MAP2K6: variants seen among roughly 807,000 people sequenced by gnomAD.
The protein encoded by MAP2K6 is mitogen-activated protein kinase kinase 6.
Under a neutral mutation model 53.7 loss-of-function variants are expected in MAP2K6, and 16 were observed. That is an observed-to-expected ratio of 0.30 (90% CI 0.20 to 0.45). The LOEUF (loss-of-function observed/expected upper bound fraction) is 0.45, where lower values mean the gene tolerates loss of function less well. Ranked by LOEUF, MAP2K6 falls within the 20% of genes least tolerant of loss-of-function variation. The pLI is 1.00. For synonymous variants in MAP2K6, 132 were observed against 143.1 expected (o/e 0.92, Z 0.55); for missense variants, 204 against 411.9 (o/e 0.50, Z 4.37).
chr17:69,449,298 A>C (rs1252431812), intron 1 of MAP2K6, among the ~76,000 whole-genome samples: 2 of 151,898 alleles, frequency 1.3e-5, no homozygotes, highest in African/African-American at 2.4e-5. Context: ...TATATAGTAC[A>C]TAAACTATAC....
intron 1 of MAP2K6, among the ~76,000 whole-genome samples, chr17:69,431,420 T>C (rs1391223356): frequency 6.6e-6 from 1 of 152,052 alleles, no homozygotes; most frequent in African/African-American, 2.4e-5. Flanking sequence ...ACTCACTTGA[T>C]GTAATAGGTT....
chr17:69,501,419 G>T (rs1252837849), intron 1 of MAP2K6, among the ~76,000 whole-genome samples: 3 of 152,156 alleles, frequency 2.0e-5, no homozygotes, highest in Non-Finnish European at 2.9e-5. Context: ...AAGACCTCTC[G>T]TGTACCCCAT....
chr17:69,536,864 T>C (rs760110318), intron 11 of MAP2K6, among the ~76,000 whole-genome samples: 31 of 151,854 alleles, frequency 2.0e-4, no homozygotes, highest in Non-Finnish European at 3.5e-4. Context: ...GCAGATTGCT[T>C]GAGCCCAGGA....
intron 1 of MAP2K6, among the ~76,000 whole-genome samples, chr17:69,463,102 A>T (rs190552267): frequency 2.0e-5 from 3 of 151,936 alleles, no homozygotes; most frequent in Admixed American, 6.6e-5. Context: ...TGCACCAGCC[A>T]CCGGGACACC....
In MAP2K6 at chr17:69,539,056, GA is replaced by G. The variant is rs574993748; in HGVS notation, c.928-2616del. Among the ~76,000 whole-genome samples the G allele has an allele frequency of 1.2e-4, 18 of 152,302 alleles. 1 individual carries two copies. In the South Asian group the frequency reaches 3.5e-3, roughly 30 times the overall value. On this transcript the variant is annotated intron_variant, in intron 11 of 11. Coordinates refer to ENST00000590474, the MANE Select transcript of MAP2K6 (RefSeq NM_002758.4). ...TCCCTGTCCTAGATGATAATCACCAGAAAAGATAACCAGTTCATTCAAGTGA... is the reference window on the plus strand; with the variant it reads ...TCCCTGTCCTAGATGATAATCACCAGAAAGATAACCAGTTCATTCAAGTGA...
In MAP2K6 at chr17:69,547,838, TAGG is replaced by T. The variant is rs1354384036; in HGVS notation, c.*6086_*6088del. 1.3e-5 allele frequency: 2 copies of T among 152,226 alleles called. No homozygotes were observed. 9.4% of individuals were successfully genotyped at this position (152,226 alleles called of 1,614,324 possible). ...TTAGTTGTTAACTGTATCCTTGGCT[TAGG>T]TTATTTGCATTTTCTTTCTTTCTTT... On this transcript the variant is annotated 3_prime_UTR_variant, in exon 12 of 12. Coordinates refer to ENST00000590474, the MANE Select transcript of MAP2K6 (RefSeq NM_002758.4).
chr17:69,516,788 G>C, intron 2 of MAP2K6, 67 bp from the exon 3 acceptor site: 1 of 1,178,422 alleles, frequency 8.5e-7, no homozygotes, highest in Non-Finnish European at 1.2e-6. Context: ...TCAGTGGTGT[G>C]TGATTTGGGA....
rs1598331905 is a variant in MAP2K6, at chr17:69,553,812, G to A, written c.*12059G>A. The A allele has an allele frequency of 6.6e-6, 1 of 152,244 alleles. No individual in the cohort carries two copies. Among genetic ancestry groups the A allele is most frequent in the South Asian group, 2.1e-4 (1 of 4,830 alleles). The allele number at this position is 152,244 out of a possible 1,614,324, so 9.4% of individuals were successfully genotyped here. On this transcript the variant is annotated 3_prime_UTR_variant, in exon 12 of 12. Coordinates refer to ENST00000590474, the MANE Select transcript of MAP2K6 (RefSeq NM_002758.4). The stretch of plus-strand genomic sequence containing the variant: ...CAAAGTGTTCTTGAAAGAAAATGGT[G>A]TGTTGATCTCATAAGAAAATGTACA...
rs1393812545 is a variant in MAP2K6 at position 69,550,042 on chromosome 17, A to G, written c.*8289A>G. 1 of 152,182 alleles carries G rather than the reference A, an allele frequency of 6.6e-6. No homozygotes were observed. Among genetic ancestry groups the G allele is most frequent in the Non-Finnish European group, 1.5e-5 (1 of 68,022 alleles). 9.4% of individuals were successfully genotyped at this position (152,182 alleles called of 1,614,324 possible). On this transcript the variant is annotated 3_prime_UTR_variant, in exon 12 of 12. Transcript: ENST00000590474. ...TGCTATATTATAGAGATGATTTCCT[A>G]TGGGAAAACCCATCAAAAAGCCAAA...
chr17:69,454,789 A>T (rs1907345136), intron 1 of MAP2K6, among the ~76,000 whole-genome samples: 1 of 152,206 alleles, frequency 6.6e-6, no homozygotes, highest in African/African-American at 2.4e-5. Flanking sequence ...AAATTCAAGG[A>T]CTATTTGATA....
chr17:69,461,319 C>CTCTGTATGTGACATGGT (rs1907616468), intron 1 of MAP2K6, among the ~76,000 whole-genome samples: 1 of 152,206 alleles, frequency 6.6e-6, no homozygotes, highest in South Asian at 2.1e-4. Context: ...TTCTAAACCA[C>CTCTGTATGTGACATGGT]TCACCTGCCC....
chr17:69,433,119 C>G (rs975855532), intron 1 of MAP2K6: 1 of 152,222 alleles, frequency 6.6e-6, no homozygotes, highest in Non-Finnish European at 1.5e-5. Flanking sequence ...TACAAAGAGT[C>G]AGGGCAAGAG....
chr17:69,460,782 T>C (rs1317003968), intron 1 of MAP2K6, among the ~76,000 whole-genome samples: 1 of 152,102 alleles, frequency 6.6e-6, no homozygotes, highest in Non-Finnish European at 1.5e-5. Context: ...GGTGTTTTTG[T>C]AGAGAGGGGG....
intron 1 of MAP2K6, chr17:69,434,069 G>A (rs148427037): frequency 7.6e-4 from 115 of 152,284 alleles, no homozygotes; most frequent in African/African-American, 2.6e-3. Context: ...ACAGGTTTTT[G>A]TTAATATTCT....
intron 11 of MAP2K6, among the ~76,000 whole-genome samples, chr17:69,538,361 T>C (rs1229483105): frequency 2.0e-5 from 3 of 152,376 alleles, no homozygotes; most frequent in South Asian, 2.1e-4. Context: ...CCCTGTGATA[T>C]TTTATGGCCT....
intron 1 of MAP2K6, among the ~76,000 whole-genome samples, chr17:69,469,704 A>G (rs1158257393): frequency 1.3e-5 from 2 of 152,126 alleles, no homozygotes; most frequent in African/African-American, 4.8e-5. Context: ...CAGAGGTTAC[A>G]GGGAATGGAG....
In MAP2K6 at chr17:69,421,385, T is replaced by C. The variant is rs190469256; in HGVS notation, c.16+6385T>C. On this transcript the variant is annotated intron_variant, in intron 1 of 11. Transcript: ENST00000590474. ...AGGTTGCACAATTCTCTGCTAACTT[T>C]CTTTTTAAAAAATATGAGAAGATGA... Among the ~76,000 whole-genome samples, 5 of 152,306 alleles carry C rather than the reference T, an allele frequency of 3.3e-5. No individual in the cohort carries two copies. The East Asian group carries it at 9.6e-4, about 29-fold the overall frequency.
At chr17:69,442,313 G>A (rs1471809545) in intron 1 of MAP2K6, among the ~76,000 whole-genome samples, 1 of 151,980 alleles carries the variant, frequency 6.6e-6, no homozygotes, top group Non-Finnish European at 1.5e-5. Context: ...CAGACCTCTG[G>A]ATTTTACCTC....
At chr17:69,518,559 C>G (rs997491986) in intron 4 of MAP2K6, among the ~76,000 whole-genome samples, 1 of 152,108 alleles carries the variant, frequency 6.6e-6, no homozygotes, top group East Asian at 1.9e-4. Context: ...TTTGGAGGAT[C>G]ATAAAGAATT....
Sources: gnomAD v4.1 joint callset for allele counts (sites outside exome capture counted in the v4.1 genomes callset) on GRCh38, gnomAD v4.1.1 for gene constraint, MANE v1.5 for transcripts, NCBI Gene and HGNC (gene_info 2026-07-23, HGNC 2026-07-21) for gene names.